The following NMNAT2 variants were observed in gnomAD, a reference collection of about 807,000 sequenced individuals.
The protein encoded by NMNAT2 is nicotinamide/nicotinic acid mononucleotide adenylyltransferase 2.
Under a neutral mutation model 41.6 loss-of-function variants are expected in NMNAT2, and 11 were observed. The ratio of observed to expected loss-of-function variants is 0.26; its 90% confidence interval spans 0.17 to 0.44. NMNAT2 has a LOEUF of 0.44. Among genes scored for constraint, NMNAT2 ranks in the 20% least tolerant of loss-of-function variants. The pLI is 1.00. For synonymous variants in NMNAT2, 148 were observed against 151.2 expected, an observed-to-expected ratio of 0.98 and a Z score of 0.16; for missense variants, 288 against 407.7, an observed-to-expected ratio of 0.71 and a Z score of 2.53.
Position 183,291,650 on chromosome 1 carries a change from C to G in NMNAT2, c.242+1140G>C, listed in dbSNP as rs75194560. Among the ~76,000 whole-genome samples, 911 of 152,298 alleles carry G rather than the reference C, an allele frequency of 6.0e-3. 9 individuals are homozygous for G. The highest frequency in any genetic ancestry group is 0.02 in the African/African-American group (826 of 41,554). On this transcript the variant is annotated intron_variant, in intron 3 of 10. Transcript: ENST00000287713. ...CTAAGCACATCCAAGCAGTAACAGT[C>G]TCCTGCCCAGTGATTTCCTCACTGG...
In NMNAT2 at chr1:183,253,925, G is replaced by T. The variant is rs574782817; in HGVS notation, c.822-1182C>A. Among the ~76,000 whole-genome samples the T allele has an allele frequency of 4.6e-5, 7 of 151,942 alleles. No individual in the cohort carries two copies. The South Asian group carries it at 1.5e-3, about 32-fold the overall frequency. ...CTTCCGTGTGTGTGTGTGTGTGTGT[G>T]TGTGTGTGTGTGTGTGTGTATGTGT... On this transcript the variant is annotated intron_variant, in intron 10 of 10. Transcript: ENST00000287713.
chr1:183,330,579 G>A (rs149750578), intron 1 of NMNAT2, among the ~76,000 whole-genome samples: 4 of 152,242 alleles, frequency 2.6e-5, no homozygotes, highest in African/African-American at 4.8e-5. Flanking sequence ...TGGCACTGGC[G>A]CCACAGCTGA....
At chr1:183,408,567 T>C (rs1649026754) in intron 1 of NMNAT2, among the ~76,000 whole-genome samples, 1 of 152,150 alleles carries the variant, frequency 6.6e-6, no homozygotes, top group Non-Finnish European at 1.5e-5. Flanking sequence ...AAGATAAGGC[T>C]CCAGCAGACT....
chr1:183,396,826 C>T (rs1449159867), intron 1 of NMNAT2, among the ~76,000 whole-genome samples: 1 of 152,200 alleles, frequency 6.6e-6, no homozygotes, highest in African/African-American at 2.4e-5. Context: ...CAGTCTGTTA[C>T]TCTGCCTTAT....
In NMNAT2 at chr1:183,356,117, G is replaced by A. The variant is rs150200946; in HGVS notation, c.85+62066C>T. Among the ~76,000 whole-genome samples, 385 of 152,332 alleles carry A rather than the reference G, an allele frequency of 2.5e-3. 3 individuals carry two copies. Among genetic ancestry groups the A allele is most frequent in the African/African-American group, 9.1e-3 (377 of 41,560 alleles). ...CGTGTGTCTGACACTATTGAGAGGT[G>A]CACAATCTCATAGAATCCTCAGGAC... On this transcript the variant is annotated intron_variant, in intron 1 of 10. Coordinates refer to ENST00000287713, the MANE Select transcript of NMNAT2 (RefSeq NM_015039.4).
In NMNAT2 at chr1:183,250,507, G is replaced by T. The variant is rs747632350; in HGVS notation, c.*2134C>A. On this transcript the variant is annotated 3_prime_UTR_variant, in exon 11 of 11. Coordinates refer to ENST00000287713, the MANE Select transcript of NMNAT2 (RefSeq NM_015039.4). ...TAGAAATCATATGGGCACCTGGTCA[G>T]CAACATGAGGAAATGGAGGGTGTGG... 6.6e-6 allele frequency: 1 copy of T among 152,650 alleles called. No individual in the cohort carries two copies. The highest frequency in any genetic ancestry group is 1.5e-5 in the Non-Finnish European group (1 of 68,140). 9.5% of individuals were successfully genotyped at this position (152,650 alleles called of 1,614,324 possible). A position where few individuals can be genotyped will look rare whatever the true frequency, so the allele number is the denominator to read the frequency against.
chr1:183,291,972 C>T (rs1161744390), intron 3 of NMNAT2, among the ~76,000 whole-genome samples: 8 of 152,188 alleles, frequency 5.3e-5, no homozygotes, highest in African/African-American at 1.7e-4. Context: ...CTCTCATTCC[C>T]GCCCACCCCG....
At chr1:183,301,298 C>A (rs1205537042) in intron 1 of NMNAT2, among the ~76,000 whole-genome samples, 2 of 152,178 alleles carry the variant, frequency 1.3e-5, no homozygotes, top group Non-Finnish European at 2.9e-5. Flanking sequence ...GGTGGAGCAG[C>A]CCCTGCCATG....
intron 7 of NMNAT2, among the ~76,000 whole-genome samples, chr1:183,278,880 G>A (rs113307680): frequency 6.6e-6 from 1 of 152,172 alleles, no homozygotes; most frequent in African/African-American, 2.4e-5. Context: ...GTAGAGCATA[G>A]CGGGTGATCG....
chr1:183,394,845 A>C (rs1457059257), intron 1 of NMNAT2, among the ~76,000 whole-genome samples: 1 of 152,218 alleles, frequency 6.6e-6, no homozygotes, highest in South Asian at 2.1e-4. Context: ...CAGTGGTTAC[A>C]AAAAAGAGAG....
At chr1:183,279,246 A>C (rs1037848087) in intron 7 of NMNAT2, among the ~76,000 whole-genome samples, 6 of 152,166 alleles carry the variant, frequency 3.9e-5, no homozygotes, top group African/African-American at 1.4e-4. Context: ...CCTGCTTGTC[A>C]GTTGTTTTTC....
At chr1:183,261,345 CCAAACTCCTACCAAG>C in intron 8 of NMNAT2, 42 bp from the exon 9 acceptor site, 1 of 1,528,132 alleles carries the variant, frequency 6.5e-7, no homozygotes, top group Non-Finnish European at 9.0e-7. Context: ...AACCCTGATC[CCAAACTCCTACCAAG>C]CAACTACTTA....
At chr1:183,287,629 G>A (rs1189532043) in intron 4 of NMNAT2, among the ~76,000 whole-genome samples, 1 of 152,238 alleles carries the variant, frequency 6.6e-6, no homozygotes, top group Non-Finnish European at 1.5e-5. Flanking sequence ...AAGGTGATGG[G>A]GAGAGTAGCT....
chr1:183,403,448 C>G (rs1482628213), intron 1 of NMNAT2, among the ~76,000 whole-genome samples: 3 of 151,570 alleles, frequency 2.0e-5, no homozygotes, highest in African/African-American at 7.3e-5. Flanking sequence ...CAACCCCCCC[C>G]CCCAAAAAAA....
intron 1 of NMNAT2, among the ~76,000 whole-genome samples, chr1:183,329,281 T>C (rs1055241444): frequency 2.9e-4 from 44 of 152,214 alleles, no homozygotes; most frequent in African/African-American, 1.0e-3. Flanking sequence ...AAATTGAAGA[T>C]AAATATTATA....
intron 1 of NMNAT2, among the ~76,000 whole-genome samples, chr1:183,396,229 T>C (rs1461265366): frequency 3.9e-5 from 6 of 152,054 alleles, no homozygotes; most frequent in Admixed American, 3.9e-4. Flanking sequence ...TTTATTATAG[T>C]AGGTAGTTAG....
chr1:183,303,703 C>A (rs1277108962), intron 1 of NMNAT2, among the ~76,000 whole-genome samples: 1 of 152,230 alleles, frequency 6.6e-6, no homozygotes. Context: ...GTTGTCCAGC[C>A]TAAGCCTTAA....
rs568974199 is a variant in NMNAT2, at chr1:183,408,874, A to T, written c.85+9309T>A. On this transcript the variant is annotated intron_variant, in intron 1 of 10. Coordinates refer to ENST00000287713, the MANE Select transcript of NMNAT2 (RefSeq NM_015039.4). ...AAACGAATGACATGTCTCTTTTTTT[A>T]AAAAAAGTCTTCTTTTAAAGATCTT... 1.8e-3 allele frequency among the ~76,000 whole-genome samples: 276 copies of T among 152,088 alleles called. 4 individuals carry two copies. Among genetic ancestry groups the T allele is most frequent in the Non-Finnish European group, 2.9e-3 (198 of 67,966 alleles).
chr1:183,250,471 C>T lies in NMNAT2; in HGVS notation c.*2170G>A, dbSNP rs1660345099. 6.6e-6 allele frequency: 1 copy of T among 152,496 alleles called. No individual in the cohort carries two copies. The highest frequency in any genetic ancestry group is 1.9e-4 in the East Asian group (1 of 5,194). 9.4% of individuals were successfully genotyped at this position (152,496 alleles called of 1,614,324 possible). On this transcript the variant is annotated 3_prime_UTR_variant, in exon 11 of 11. Transcript: ENST00000287713. ...TTAAAAGAAAGATGCCAGGGTAAGG[C>T]TTGGGAAGTGTAGAAATCATATGGG...
Sources: allele counts gnomAD v4.1 joint callset (sites outside exome capture counted in the v4.1 genomes callset), GRCh38; gene constraint gnomAD v4.1.1; transcripts MANE v1.5; gene names NCBI Gene and HGNC (gene_info 2026-07-23, HGNC 2026-07-21).